The following PDE4D variants were observed in gnomAD, a reference collection of about 807,000 sequenced individuals.
PDE4D encodes phosphodiesterase 4D.
In PDE4D, 24 loss-of-function variants were observed where a neutral mutation model predicts 87.4. That is an observed-to-expected ratio of 0.27 (90% CI 0.20 to 0.39). The LOEUF is 0.39. Among genes scored for constraint, PDE4D ranks in the 10% least tolerant of loss-of-function variants. The pLI is 1.00. For synonymous variants in PDE4D, 384 were observed against 383.2 expected (o/e 1.00, Z -0.02); for missense variants, 714 against 1,041.0 (o/e 0.69, Z 4.32).
intron 2 of PDE4D, among the ~76,000 whole-genome samples, chr5:60,026,051 G>A (rs1447095404): frequency 6.6e-6 from 1 of 152,092 alleles, no homozygotes; most frequent in African/African-American, 2.4e-5. Context: ...TTTATAAATG[G>A]TAGCAAAATT....
intron 1 of PDE4D, among the ~76,000 whole-genome samples, chr5:59,781,221 C>G (rs72751264): frequency 2.8e-4 from 41 of 144,568 alleles, no homozygotes; most frequent in Non-Finnish European, 7.6e-5. Flanking sequence ...CAAAGGTAAT[C>G]AAACCAAAGT....
chr5:59,363,975 C>T (rs1782646281), intron 1 of PDE4D, among the ~76,000 whole-genome samples: 1 of 152,134 alleles, frequency 6.6e-6, no homozygotes, highest in South Asian at 2.1e-4. Context: ...GAATATTCTA[C>T]ATAGGAGAAA....
At chr5:59,603,194 T>C (rs1301305072) in intron 1 of PDE4D, among the ~76,000 whole-genome samples, 1 of 151,750 alleles carries the variant, frequency 6.6e-6, no homozygotes, top group African/African-American at 2.4e-5. Flanking sequence ...ACAAAGGAAA[T>C]AATCAACTGA....
At chr5:59,159,129 TAC>T (rs1561591848) in intron 5 of PDE4D, among the ~76,000 whole-genome samples, 1 of 151,920 alleles carries the variant, frequency 6.6e-6, no homozygotes. Flanking sequence ...TCTGAATTCT[TAC>T]GATACTCTGT....
At chr5:59,304,357 T>A (rs1470659639) in intron 1 of PDE4D, among the ~76,000 whole-genome samples, 1 of 152,110 alleles carries the variant, frequency 6.6e-6, no homozygotes, top group Non-Finnish European at 1.5e-5. Flanking sequence ...ACAGTTTGAC[T>A]TCCTCTTTAC....
intron 1 of PDE4D, among the ~76,000 whole-genome samples, chr5:59,444,843 G>A (rs150293386): frequency 1.3e-5 from 2 of 152,142 alleles, no homozygotes; most frequent in Non-Finnish European, 2.9e-5. Flanking sequence ...AAAATACCTA[G>A]AGTTCCCCTC....
intron 5 of PDE4D, among the ~76,000 whole-genome samples, chr5:59,147,297 G>A (rs1018423358): frequency 6.6e-6 from 1 of 152,076 alleles, no homozygotes; most frequent in African/African-American, 2.4e-5. Flanking sequence ...TCCTTATAAT[G>A]CAAGACCACA....
chr5:60,260,739 A>G (rs999471821), intron 1 of PDE4D, among the ~76,000 whole-genome samples: 1 of 152,132 alleles, frequency 6.6e-6, no homozygotes, highest in Admixed American at 6.6e-5. Context: ...AACAATCAAA[A>G]TAAACAACAG....
At chr5:59,972,617 G>C (rs182016396) in intron 3 of PDE4D, among the ~76,000 whole-genome samples, 1 of 152,272 alleles carries the variant, frequency 6.6e-6, no homozygotes, top group African/African-American at 2.4e-5. Context: ...AAATAACTTA[G>C]GTACTTGCTC....
At chr5:59,891,116 T>A (rs1303521358) in intron 1 of PDE4D, among the ~76,000 whole-genome samples, 2 of 152,350 alleles carry the variant, frequency 1.3e-5, no homozygotes, top group South Asian at 4.1e-4. Flanking sequence ...CAGCTACATA[T>A]AAATATTATA....
chr5:59,613,891 T>C (rs1011692055), intron 1 of PDE4D, among the ~76,000 whole-genome samples: 4 of 152,200 alleles, frequency 2.6e-5, no homozygotes, highest in Non-Finnish European at 5.9e-5. Flanking sequence ...AAAATTACAT[T>C]ACATTAAGAC....
intron 1 of PDE4D, among the ~76,000 whole-genome samples, chr5:59,292,429 C>T (rs956000480): frequency 6.6e-6 from 1 of 152,068 alleles, no homozygotes; most frequent in Non-Finnish European, 1.5e-5. Context: ...AACATGGACC[C>T]ACTTTCCACA....
chr5:59,661,465 G>A (rs370572911), intron 1 of PDE4D, among the ~76,000 whole-genome samples: 1 of 152,082 alleles, frequency 6.6e-6, no homozygotes, highest in East Asian at 1.9e-4. Context: ...CCTACATTTT[G>A]TCTACTTACA....
chr5:60,182,561 G>A (rs1459838527), intron 2 of PDE4D, among the ~76,000 whole-genome samples: 1 of 152,200 alleles, frequency 6.6e-6, no homozygotes, highest in Non-Finnish European at 1.5e-5. Flanking sequence ...GAACTTGGGA[G>A]GCAGAGGTTG....
chr5:59,411,695 TTTTAA>T (rs1463997460), intron 1 of PDE4D, among the ~76,000 whole-genome samples: 1 of 152,190 alleles, frequency 6.6e-6, no homozygotes, highest in Non-Finnish European at 1.5e-5. Flanking sequence ...AAAGACCTCA[TTTTAA>T]TTTAATCACC....
intron 1 of PDE4D, among the ~76,000 whole-genome samples, chr5:60,333,016 C>A (rs1757439850): frequency 6.6e-6 from 1 of 152,158 alleles, no homozygotes; most frequent in African/African-American, 2.4e-5. Flanking sequence ...GGCTCTAAGG[C>A]AGATGCAGGA....
chr5:60,077,672 G>A (rs1392275809), intron 2 of PDE4D, among the ~76,000 whole-genome samples: 1 of 152,170 alleles, frequency 6.6e-6, no homozygotes, highest in Non-Finnish European at 1.5e-5. Context: ...CTAGCTTAGG[G>A]AGATGGGTGT....
intron 5 of PDE4D, among the ~76,000 whole-genome samples, chr5:59,149,545 A>C (rs1445491655): frequency 6.6e-6 from 1 of 152,092 alleles, no homozygotes; most frequent in Non-Finnish European, 1.5e-5. Context: ...CAGCGGTTGT[A>C]AAGAGCTTGA....
intron 1 of PDE4D, among the ~76,000 whole-genome samples, chr5:60,415,950 TATG>T (rs1315401519): frequency 0.013 from 2,019 of 152,326 alleles, 41 homozygotes; most frequent in African/African-American, 0.045. Context: ...CAGCACTCTG[TATG>T]TAGCTCAAGG....
Sources: gnomAD v4.1 joint callset for allele counts (sites outside exome capture counted in the v4.1 genomes callset) on GRCh38, gnomAD v4.1.1 for gene constraint, MANE v1.5 for transcripts, NCBI Gene and HGNC (gene_info 2026-07-23, HGNC 2026-07-21) for gene names.